CTRC: variants seen among roughly 807,000 people sequenced by gnomAD.
CTRC encodes the protein chymotrypsin-C.
In CTRC, 32 loss-of-function variants were observed where a neutral mutation model predicts 35.7. That is an observed-to-expected ratio of 0.90 (90% CI 0.68 to 1.20). The LOEUF (loss-of-function observed/expected upper bound fraction) is 1.20. Among genes scored for constraint, CTRC ranks in the 50% most tolerant of loss-of-function variants. The pLI, the probability that CTRC is intolerant of heterozygous loss-of-function variation, is 0.00. For missense variants in CTRC, 324 were observed against 361.5 expected, an observed-to-expected ratio of 0.90 and a Z score of 0.84; for synonymous variants, 119 against 149.5, an observed-to-expected ratio of 0.80 and a Z score of 1.49.
At chr1:15,446,055 C>T (rs1368701497) in intron 7 of CTRC, among the ~76,000 whole-genome samples, 1 of 152,226 alleles carries the variant, frequency 6.6e-6, no homozygotes, top group Non-Finnish European at 1.5e-5. Context: ...TTCACTCATT[C>T]ATTTGCTCAT....
chr1:15,445,088 A>G (rs1708196712), intron 6 of CTRC, among the ~76,000 whole-genome samples: 1 of 152,178 alleles, frequency 6.6e-6, no homozygotes, highest in Non-Finnish European at 1.5e-5. Flanking sequence ...AAGGACAGAG[A>G]AGAGGCTTCA....
intron 1 of CTRC, 75 bp from the exon 2 acceptor site, chr1:15,440,225 T>TTGGGGG: frequency 4.9e-6 from 3 of 608,666 alleles, no homozygotes; most frequent in Non-Finnish European, 9.4e-6. Context: ...TTCTTCCACC[T>TTGGGGG]GCCCACCCTC....
Position 15,449,098 on chromosome 1 carries a change from TG to T in CTRC, c.*2510del, listed in dbSNP as rs1004328184. On this transcript the variant is annotated 3_prime_UTR_variant, in exon 8 of 8. Coordinates refer to ENST00000375949, the MANE Select transcript of CTRC (RefSeq NM_007272.3). The stretch of plus-strand genomic sequence containing the variant: ...CCAGACAGGGTTAGTGACTTCCCAA[TG>T]TGTGAACTAGAAGGTAGTGGAGCCG... 1.5e-4 allele frequency: 23 copies of T among 152,252 alleles called. No homozygotes were observed. Among genetic ancestry groups the T allele is most frequent in the African/African-American group, 5.5e-4 (23 of 41,558 alleles). The allele number at this position is 152,252 out of a possible 1,614,324, so 9.4% of individuals were successfully genotyped here. A position where few individuals can be genotyped will look rare whatever the true frequency, so the allele number is the denominator to read the frequency against.
At position 15,446,648 on chromosome 1, in the gene CTRC, C is replaced by T. The variant is rs752325171; in HGVS notation, c.*59C>T. The T allele has an allele frequency of 1.1e-4, 170 of 1,595,068 alleles. 1 individual carries two copies. In the South Asian group the frequency reaches 1.5e-3, roughly 14 times the overall value. On this transcript the variant is annotated 3_prime_UTR_variant, in exon 8 of 8. Coordinates refer to ENST00000375949, the MANE Select transcript of CTRC (RefSeq NM_007272.3). Reference sequence around the variant, plus strand: ...CAACAGCAATAAACTTCCTTCTCCTCGGGCCACCTGGATCCTTGATTTGTG... The same window carrying T: ...CAACAGCAATAAACTTCCTTCTCCTTGGGCCACCTGGATCCTTGATTTGTG...
Position 15,443,413 on chromosome 1 carries a change from T to G in CTRC, c.357-6T>G, listed in dbSNP as rs1708165002. Reference sequence around the variant, plus strand: ...GCCCACTCACCCTCTCCACTTTGGATTCCAGCAATGATATTGCCCTCATCA... The same window carrying G: ...GCCCACTCACCCTCTCCACTTTGGAGTCCAGCAATGATATTGCCCTCATCA... On this transcript the variant is annotated splice_polypyrimidine_tract_variant and splice_region_variant and intron_variant, in intron 4 of 7. Transcript: ENST00000375949. 1 of 1,614,182 alleles carries G rather than the reference T, an allele frequency of 6.2e-7. No homozygotes were observed. Among genetic ancestry groups the G allele is most frequent in the Non-Finnish European group, 8.5e-7 (1 of 1,180,026 alleles).
At chr1:15,445,814 TCA>T (rs1708209499) in intron 7 of CTRC, 65 bp downstream of exon 7, 16 of 1,536,808 alleles carry the variant, frequency 1.0e-5, no homozygotes, top group Non-Finnish European at 1.4e-5. Context: ...ACCCATCCCC[TCA>T]CTCATTCACT....
chr1:15,445,467 C>A, intron 6 of CTRC, 130 bp from the exon 7 acceptor site: 2 of 937,130 alleles, frequency 2.1e-6, no homozygotes, highest in Non-Finnish European at 3.3e-6. Flanking sequence ...CATGGGCAGG[C>A]TGAGGCCAAA....
At chr1:15,442,805 C>A (rs932602569) in intron 4 of CTRC, among the ~76,000 whole-genome samples, 14 of 152,288 alleles carry the variant, frequency 9.2e-5, no homozygotes, top group African/African-American at 2.6e-4. Flanking sequence ...GAAGGCCCCC[C>A]ACAGTGTCTC....
At chr1:15,446,072 A>G (rs72643663) in intron 7 of CTRC, among the ~76,000 whole-genome samples, 1,762 of 152,294 alleles carry the variant, frequency 0.012, 14 homozygotes, top group Middle Eastern at 0.027. Flanking sequence ...TCATTCAGTG[A>G]TTCATTCATG....
chr1:15,446,885 G>C lies in CTRC; in HGVS notation c.*296G>C. ...CCAGGGAGTCCTGCGTGAAGCCGGA[G>C]GGGATGGGAGTGAAGGACGCATCAG... On this transcript the variant is annotated 3_prime_UTR_variant, in exon 8 of 8. Transcript: ENST00000375949. 1.8e-6 allele frequency: 1 copy of C among 540,692 alleles called. No individual in the cohort carries two copies. Among genetic ancestry groups the C allele is most frequent in the South Asian group, 2.0e-5 (1 of 50,296 alleles). 33.5% of individuals were successfully genotyped at this position (540,692 alleles called of 1,614,324 possible). A position where few individuals can be genotyped will look rare whatever the true frequency, so the allele number is the denominator to read the frequency against.
chr1:15,446,241 A>C (rs550387159), intron 7 of CTRC, among the ~76,000 whole-genome samples: 2 of 152,334 alleles, frequency 1.3e-5, no homozygotes, highest in South Asian at 4.1e-4. Context: ...CAGGCCCCAC[A>C]CCAGTCTCCC....
intron 3 of CTRC, among the ~76,000 whole-genome samples, chr1:15,441,511 A>T (rs777820781): frequency 1.3e-5 from 2 of 152,040 alleles, no homozygotes; most frequent in Non-Finnish European, 2.9e-5. Context: ...TAGAGAGGAA[A>T]TAAGTGCAGG....
intron 7 of CTRC, among the ~76,000 whole-genome samples, chr1:15,446,135 CA>C (rs1316548945): frequency 6.6e-6 from 1 of 152,214 alleles, no homozygotes; most frequent in Non-Finnish European, 1.5e-5. Flanking sequence ...TGAGTGCTTC[CA>C]GTAGCAGGCC....
intron 3 of CTRC, 148 bp downstream of exon 3, chr1:15,440,738 C>G: frequency 2.7e-6 from 2 of 734,384 alleles, no homozygotes; most frequent in South Asian, 1.6e-5. Flanking sequence ...TTTAGTCAGT[C>G]AAGTATTCAT....
chr1:15,446,916 T>G lies in CTRC; in HGVS notation c.*327T>G. 3 of 465,976 alleles carry G rather than the reference T, an allele frequency of 6.4e-6. No homozygotes were observed. The highest frequency in any genetic ancestry group is 2.0e-5 in the African/African-American group (1 of 50,708). 28.9% of individuals were successfully genotyped at this position (465,976 alleles called of 1,614,324 possible). On this transcript the variant is annotated 3_prime_UTR_variant, in exon 8 of 8. Coordinates refer to ENST00000375949, the MANE Select transcript of CTRC (RefSeq NM_007272.3). The stretch of plus-strand genomic sequence containing the variant: ...GGGAGTGAAGGACGCATCAGACACC[T>G]TCCCCGCTCCATCTCACAAGCTGCG...
At chr1:15,440,444 G>A in intron 2 of CTRC, 49 bp from the exon 3 acceptor site, 31 of 1,612,366 alleles carry the variant, frequency 1.9e-5, no homozygotes, top group Non-Finnish European at 2.6e-5. Flanking sequence ...CGGGGTGAGG[G>A]TCCCAGGGAC....
intron 7 of CTRC, 107 bp downstream of exon 7, chr1:15,445,856 A>T: frequency 7.6e-7 from 1 of 1,313,350 alleles, no homozygotes. Flanking sequence ...TCATTCATTT[A>T]TTCACTCATT....
chr1:15,445,071 G>T lies in CTRC; in HGVS notation c.639+320G>T, dbSNP rs116378370. On this transcript the variant is annotated intron_variant, in intron 6 of 7. Coordinates refer to ENST00000375949, the MANE Select transcript of CTRC (RefSeq NM_007272.3). ...CCACTTCACAGGGTTAGGACTAAAT[G>T]AGTTTAAAGGACAGAGAAGAGGCTT... is the stretch of plus-strand genomic sequence containing the variant. Among the ~76,000 whole-genome samples, 586 of 152,282 alleles carry T rather than the reference G, an allele frequency of 3.8e-3. 2 individuals carry two copies. The highest frequency in any genetic ancestry group is 6.8e-3 in the Middle Eastern group (2 of 294).
At chr1:15,445,339 G>A (rs927702767) in intron 6 of CTRC, among the ~76,000 whole-genome samples, 3 of 152,108 alleles carry the variant, frequency 2.0e-5, no homozygotes, top group African/African-American at 4.8e-5. Context: ...ACTGAGGCAC[G>A]GAGAGGATTA....
Sources: allele counts gnomAD v4.1 joint callset (sites outside exome capture counted in the v4.1 genomes callset), GRCh38; gene constraint gnomAD v4.1.1; transcripts MANE v1.5; gene names NCBI Gene and HGNC (gene_info 2026-07-23, HGNC 2026-07-21).